SLC9A3: variants seen among roughly 807,000 people sequenced by gnomAD.
SLC9A3 encodes the protein sodium/hydrogen exchanger 3.
Under a neutral mutation model 86.8 loss-of-function variants are expected in SLC9A3, and 37 were observed. That is an observed-to-expected ratio of 0.43 (90% confidence interval 0.33 to 0.56). The LOEUF is 0.56. Ranked by LOEUF, SLC9A3 falls within the 20% of genes least tolerant of loss-of-function variation. The probability of loss-of-function intolerance (pLI) is 0.06; values close to 1 mark genes in which losing one functional copy is unlikely to be tolerated. For missense variants in SLC9A3, 1,011 were observed against 1,171.9 expected, an observed-to-expected ratio of 0.86 and a Z score of 2.00; for synonymous variants, 581 against 528.3, an observed-to-expected ratio of 1.10 and a Z score of -1.37.
intron 16 of SLC9A3, among the ~76,000 whole-genome samples, 182 bp downstream of exon 16, chr5:474,694 GAGAGAGA>G (rs1560947108): frequency 1.6e-3 from 43 of 26,934 alleles, no homozygotes; most frequent in African/African-American, 2.5e-3. Context: ...TAGGCGGGGA[GAGAGAGA>G]GCGAGCCAGG....
rs1207451260 is a variant in SLC9A3 at position 507,292 on chromosome 5, C to A, written c.212-15221G>T. ...ACGCCATTCTCCTGCCTCAGCCTCC[C>A]GAGTAGCTGGGACTACAGGCGCCCG... is the stretch of plus-strand genomic sequence containing the variant. On this transcript the variant is annotated intron_variant, in intron 1 of 16. Transcript: ENST00000264938. 2.1e-5 allele frequency among the ~76,000 whole-genome samples: 3 copies of A among 143,780 alleles called. No individual in the cohort carries two copies. In the East Asian group the frequency reaches 6.2e-4, roughly 30 times the overall value. 94.3% of individuals were successfully genotyped at this position (143,780 alleles called of 152,430 possible).
rs1222951338 is a variant in SLC9A3, at chr5:524,367, G to A, written c.-45C>T. ...GGCTGGGACGCGCATGTCGCGGGGG[G>A]TCCCGGCTGGGCTGGGCCGACGCGC... On this transcript the variant is annotated 5_prime_UTR_variant, in exon 1 of 17. Transcript: ENST00000264938. The A allele has an allele frequency of 9.7e-6, 9 of 931,496 alleles. No individual in the cohort carries two copies. Among genetic ancestry groups the A allele is most frequent in the African/African-American group, 5.3e-5 (3 of 57,036 alleles). 57.7% of individuals were successfully genotyped at this position (931,496 alleles called of 1,614,324 possible). A position where few individuals can be genotyped will look rare whatever the true frequency, so the allele number is the denominator to read the frequency against.
intron 1 of SLC9A3, among the ~76,000 whole-genome samples, chr5:523,204 C>T (rs545925689): frequency 1.3e-5 from 2 of 152,302 alleles, no homozygotes; most frequent in South Asian, 4.1e-4. Flanking sequence ...GCCTGCTGGG[C>T]GTACCAGGTT....
rs574423071 is a variant in SLC9A3 at position 473,260 on chromosome 5, G to C, written c.*119C>G. The C allele has an allele frequency of 2.7e-6, 3 of 1,116,310 alleles. No homozygotes were observed. The highest frequency in any genetic ancestry group is 3.0e-5 in the South Asian group (1 of 33,686). The allele number at this position is 1,116,310 out of a possible 1,614,324, so 69.2% of individuals were successfully genotyped here. Reference sequence around the variant, plus strand: ...GCTGGCGTGGGCGAGGCGGGGCTCGGGGCTCGCGGTCGCTGTAGCCGCGCG... The same window carrying C: ...GCTGGCGTGGGCGAGGCGGGGCTCGCGGCTCGCGGTCGCTGTAGCCGCGCG... On this transcript the variant is annotated 3_prime_UTR_variant, in exon 17 of 17. Transcript: ENST00000264938.
chr5:481,572 T>TGAGA lies in SLC9A3; in HGVS notation c.1506_1509dup (p.Arg504SerfsTer47). The TGAGA allele has an allele frequency of 1.9e-6, 3 of 1,606,848 alleles. No individual in the cohort carries two copies. Among genetic ancestry groups the TGAGA allele is most frequent in the Non-Finnish European group, 2.6e-6 (3 of 1,173,352 alleles). On this transcript the variant is annotated frameshift_variant, in exon 9 of 17. Coordinates refer to ENST00000264938, the MANE Select transcript of SLC9A3 (RefSeq NM_004174.4). LOFTEE classifies it high-confidence loss of function. ...GCCGTCCCAGCCACTTACTTGTCTC[T>TGAGA]GAGATAATTGTGCCCGATCTGTCCG...
At position 472,234 on chromosome 5, in the gene SLC9A3, G is replaced by A; in HGVS notation, c.*1145C>T. ...CAGAGGACCAGGAGCTCTGTCCAAG[G>A]CCTCGCCCTGGGACGCTGGAAGGGG... On this transcript the variant is annotated 3_prime_UTR_variant, in exon 17 of 17. Coordinates refer to ENST00000264938, the MANE Select transcript of SLC9A3 (RefSeq NM_004174.4). 2.8e-6 allele frequency: 1 copy of A among 357,154 alleles called. No homozygotes were observed. The highest frequency in any genetic ancestry group is 5.5e-6 in the Non-Finnish European group (1 of 181,826). The allele number at this position is 357,154 out of a possible 1,614,324, so 22.1% of individuals were successfully genotyped here. A position where few individuals can be genotyped will look rare whatever the true frequency, so the allele number is the denominator to read the frequency against.
At position 497,796 on chromosome 5, in the gene SLC9A3, C is replaced by CTCCGACAACTCAGGCACCTG. The variant is rs1560965066; in HGVS notation, c.212-5726_212-5725insCAGGTGCCTGAGTTGTCGGA. Among the ~76,000 whole-genome samples the CTCCGACAACTCAGGCACCTG allele has an allele frequency of 1.1e-4, 6 of 52,524 alleles. No individual in the cohort carries two copies. Among genetic ancestry groups the CTCCGACAACTCAGGCACCTG allele is most frequent in the Non-Finnish European group, 1.7e-4 (4 of 24,014 alleles). 34.5% of individuals were successfully genotyped at this position (52,524 alleles called of 152,430 possible). ...CCCGGCCGCATCCCCAGCCTCTGCC[C>CTCCGACAACTCAGGCACCTG]CTGTCCCGGGTGGGGTCGCCCGGCC... is the stretch of plus-strand genomic sequence containing the variant. On this transcript the variant is annotated intron_variant, in intron 1 of 16. Coordinates refer to ENST00000264938, the MANE Select transcript of SLC9A3 (RefSeq NM_004174.4). The surrounding 1 kb of genome is among the most constrained non-coding windows in gnomAD (Gnocchi z 5.4).
intron 3 of SLC9A3, among the ~76,000 whole-genome samples, chr5:486,907 CCG>C (rs1739503982): frequency 7.9e-6 from 1 of 126,424 alleles, no homozygotes. Context: ...GTGATCCAGA[CCG>C]CACTGACACC....
At chr5:475,732 T>C in intron 14 of SLC9A3, 61 bp from the exon 15 acceptor site, 1 of 929,928 alleles carries the variant, frequency 1.1e-6, no homozygotes, top group Non-Finnish European at 1.7e-6. Context: ...CACAGCCCAG[T>C]CAGCAGTGTC....
At chr5:486,264 G>A (rs945175253) in intron 3 of SLC9A3, among the ~76,000 whole-genome samples, 1 of 152,156 alleles carries the variant, frequency 6.6e-6, no homozygotes, top group Non-Finnish European at 1.5e-5. Context: ...GGGGCAGTGT[G>A]GGGGCTGGGA....
In SLC9A3 at chr5:473,180, G is replaced by A. The variant is rs1322708058; in HGVS notation, c.*199C>T. On this transcript the variant is annotated 3_prime_UTR_variant, in exon 17 of 17. Coordinates refer to ENST00000264938, the MANE Select transcript of SLC9A3 (RefSeq NM_004174.4). ...CCGGCGCAGGCCCCGCCCCCGGCTC[G>A]CCCTCGGGCGGCTCTGCGGGCGCAG... 7.8e-6 allele frequency: 3 copies of A among 383,952 alleles called. No homozygotes were observed. Among genetic ancestry groups the A allele is most frequent in the Admixed American group, 6.8e-5 (1 of 14,696 alleles). 23.8% of individuals were successfully genotyped at this position (383,952 alleles called of 1,614,324 possible). A position where few individuals can be genotyped will look rare whatever the true frequency, so the allele number is the denominator to read the frequency against.
intron 16 of SLC9A3, 31 bp from the exon 17 acceptor site, chr5:473,413 G>A: frequency 4.3e-6 from 6 of 1,381,696 alleles, no homozygotes; most frequent in African/African-American, 1.5e-5. Flanking sequence ...AGCGGCGCGC[G>A]GAGCCCGGGC....
chr5:482,525 G>T, intron 7 of SLC9A3, 23 bp downstream of exon 7: 1 of 1,594,258 alleles, frequency 6.3e-7, no homozygotes, highest in Non-Finnish European at 8.6e-7. Flanking sequence ...CGAGACCCCA[G>T]GGCTGGCTGG....
At chr5:498,371 C>A (rs1309013373) in intron 1 of SLC9A3, among the ~76,000 whole-genome samples, 1 of 152,194 alleles carries the variant, frequency 6.6e-6, no homozygotes, top group Non-Finnish European at 1.5e-5. Context: ...CCCCGCCAGC[C>A]CCACTTCCTG....
chr5:478,846 C>T (rs542958445), intron 10 of SLC9A3: 16 of 154,816 alleles, frequency 1.0e-4, no homozygotes, highest in African/African-American at 3.6e-4. Flanking sequence ...TCCAGGAGCC[C>T]TCCTTCCTGA....
At chr5:474,082 CT>C (rs1275451670) in intron 16 of SLC9A3, among the ~76,000 whole-genome samples, 14 of 151,494 alleles carry the variant, frequency 9.2e-5, no homozygotes, top group African/African-American at 3.4e-4. Flanking sequence ...GGAAGAGGGG[CT>C]GCTGGAGAGA....
At chr5:524,067 G>T in intron 1 of SLC9A3, 45 bp downstream of exon 1, 2 of 1,347,260 alleles carry the variant, frequency 1.5e-6, no homozygotes, top group Non-Finnish European at 2.0e-6. Flanking sequence ...AGCAGAGGCG[G>T]CCGCACACCC....
At chr5:476,432 C>T (rs891267111) in intron 12 of SLC9A3, 54 bp from the exon 13 acceptor site, 2 of 1,607,806 alleles carry the variant, frequency 1.2e-6, no homozygotes, top group African/African-American at 1.3e-5. Flanking sequence ...ACATTCTCGC[C>T]CTCCTGCCGC....
In SLC9A3 at chr5:491,995, G is replaced by A. The variant is rs142472481; in HGVS notation, c.288C>T (p.Gly96=). ...TGTGGTCGGCCGCCCAGACGATGCCGCCCAGCACCAGGCCCAGCACGATGA... is the reference window on the plus strand; with the variant it reads ...TGTGGTCGGCCGCCCAGACGATGCCACCCAGCACCAGGCCCAGCACGATGA... ...ALLIVLGLVL[G]GIVWAADHIA... is the part of the protein sequence containing the mutation. The change falls in exon 2 of 17, where the codon GGC becomes GGT. Residue 96 remains glycine (G), a synonymous_variant. Coordinates refer to ENST00000264938, the MANE Select transcript of SLC9A3 (RefSeq NM_004174.4). The surrounding 1 kb of genome is among the most constrained non-coding windows in gnomAD (Gnocchi z 9.2). 3.7e-5 allele frequency: 59 copies of A among 1,600,028 alleles called. No homozygotes were observed. In the African/African-American group the frequency reaches 5.1e-4, roughly 14 times the overall value.
Sources: gnomAD v4.1 joint callset for allele counts (sites outside exome capture counted in the v4.1 genomes callset) on GRCh38, gnomAD v4.1.1 for gene constraint, Gnocchi (gnomAD v3.1) non-coding constraint, MANE v1.5 for transcripts, NCBI Gene and HGNC (gene_info 2026-07-23, HGNC 2026-07-21) for gene names.